RAB11FIP2: variants seen among roughly 807,000 people sequenced by gnomAD.
RAB11FIP2 encodes RAB11 family interacting protein 2, also known as rab11 family-interacting protein 2.
RAB11FIP2 carries 16 observed loss-of-function variants against 40.9 expected under a neutral mutation model. That is an observed-to-expected ratio of 0.39 (90% CI 0.26 to 0.59). The LOEUF is 0.59. Among genes scored for constraint, RAB11FIP2 ranks in the 20% least tolerant of loss-of-function variants. The pLI is 0.53. For missense variants in RAB11FIP2, 532 were observed against 606.2 expected (o/e 0.88, Z 1.28); for synonymous variants, 228 against 213.7 (o/e 1.07, Z -0.58).
intron 3 of RAB11FIP2, among the ~76,000 whole-genome samples, chr10:118,030,659 TTC>T (rs1438031380): frequency 1.4e-4 from 21 of 152,126 alleles, no homozygotes; most frequent in East Asian, 1.2e-3. Flanking sequence ...GCCTGTTTTC[TTC>T]TCTCTCAGAA....
chr10:118,040,108 G>T lies in RAB11FIP2; in HGVS notation c.796+15C>A, dbSNP rs1384631422. ...GTAGTTCAGACCAATGAGTACACAA[G>T]AATGTGACACTTACCACTTTCTGGA... On this transcript the variant is annotated intron_variant, in intron 2 of 4. Coordinates refer to ENST00000355624, the MANE Select transcript of RAB11FIP2 (RefSeq NM_014904.3). The T allele has an allele frequency of 1.9e-5, 31 of 1,603,840 alleles. No individual in the cohort carries two copies. Among genetic ancestry groups the T allele is most frequent in the Non-Finnish European group, 2.4e-5 (28 of 1,172,868 alleles).
chr10:118,006,983 C>A lies in RAB11FIP2; in HGVS notation c.*2015G>T, dbSNP rs1846097633. ...CCAATACAAAACTGACATCTTGGTT[C>A]ACTCTATAAACAGCAAATTTGGCCA... On this transcript the variant is annotated 3_prime_UTR_variant, in exon 5 of 5. Transcript: ENST00000355624. 1 of 152,214 alleles carries A rather than the reference C, an allele frequency of 6.6e-6. No individual in the cohort carries two copies. Among genetic ancestry groups the A allele is most frequent in the South Asian group, 2.1e-4 (1 of 4,816 alleles). 9.4% of individuals were successfully genotyped at this position (152,214 alleles called of 1,614,324 possible).
At chr10:118,032,680 A>G (rs1320859097) in intron 3 of RAB11FIP2, among the ~76,000 whole-genome samples, 3 of 152,110 alleles carry the variant, frequency 2.0e-5, no homozygotes, top group Admixed American at 2.0e-4. Context: ...TCAGTTAACC[A>G]CCATAGTCCA....
intron 3 of RAB11FIP2, among the ~76,000 whole-genome samples, chr10:118,017,040 C>T (rs1846228396): frequency 6.6e-6 from 1 of 152,212 alleles, no homozygotes; most frequent in Non-Finnish European, 1.5e-5. Context: ...CTCATTTAAT[C>T]TTCATGATCC....
intron 3 of RAB11FIP2, among the ~76,000 whole-genome samples, chr10:118,024,066 G>A (rs759157093): frequency 1.3e-5 from 2 of 150,774 alleles, no homozygotes; most frequent in African/African-American, 4.9e-5. Context: ...CTCCAGCCTG[G>A]GCAACAGAGT....
At chr10:118,016,417 C>G (rs1846220871) in intron 3 of RAB11FIP2, among the ~76,000 whole-genome samples, 1 of 152,160 alleles carries the variant, frequency 6.6e-6, no homozygotes, top group South Asian at 2.1e-4. Flanking sequence ...AGCAAAGCAT[C>G]AAGAGCCCAC....
chr10:118,009,681 T>G (rs1431953545), intron 4 of RAB11FIP2, among the ~76,000 whole-genome samples: 1 of 152,168 alleles, frequency 6.6e-6, no homozygotes, highest in Non-Finnish European at 1.5e-5. Flanking sequence ...TTTGGCTTCT[T>G]AGTGAAGATG....
chr10:118,041,260 A>G (rs1846555163), intron 1 of RAB11FIP2, among the ~76,000 whole-genome samples: 1 of 152,058 alleles, frequency 6.6e-6, no homozygotes, highest in Non-Finnish European at 1.5e-5. Context: ...AGGAAAAAAA[A>G]AAACCTAAAA....
At chr10:118,029,180 T>C (rs1431123090) in intron 3 of RAB11FIP2, among the ~76,000 whole-genome samples, 1 of 151,992 alleles carries the variant, frequency 6.6e-6, no homozygotes, top group Non-Finnish European at 1.5e-5. Flanking sequence ...AAACATACCA[T>C]TGGAATAGTT....
intron 3 of RAB11FIP2, among the ~76,000 whole-genome samples, chr10:118,027,811 CTAA>C (rs1846362818): frequency 6.6e-6 from 1 of 152,016 alleles, no homozygotes; most frequent in Admixed American, 6.6e-5. Flanking sequence ...CAAAACTTAT[CTAA>C]TAATTTTCAA....
chr10:118,009,300 G>A (rs1846130279), intron 4 of RAB11FIP2, 75 bp from the exon 5 acceptor site: 1 of 1,371,476 alleles, frequency 7.3e-7, no homozygotes, highest in East Asian at 2.3e-5. Flanking sequence ...CTGGAACTTC[G>A]ACTTTTTGTT....
At chr10:118,019,326 A>G (rs1302141049) in intron 3 of RAB11FIP2, among the ~76,000 whole-genome samples, 1 of 152,202 alleles carries the variant, frequency 6.6e-6, no homozygotes, top group Non-Finnish European at 1.5e-5. Flanking sequence ...TAAATGTGAA[A>G]TCCAGGAGGT....
At position 118,046,222 on chromosome 10, in the gene RAB11FIP2, A is replaced by C; in HGVS notation, c.-59T>G. The C allele has an allele frequency of 2.1e-6, 3 of 1,425,806 alleles. No homozygotes were observed. The highest frequency in any genetic ancestry group is 2.9e-6 in the Non-Finnish European group (3 of 1,025,478). 88.3% of individuals were successfully genotyped at this position (1,425,806 alleles called of 1,614,324 possible). A position where few individuals can be genotyped will look rare whatever the true frequency, so the allele number is the denominator to read the frequency against. Reference sequence around the variant, plus strand: ...CACAGGCAGTGCCCCTCCCGGAGGGAGAGCCTAATTCCTTAATCACTGCAT... The same window carrying C: ...CACAGGCAGTGCCCCTCCCGGAGGGCGAGCCTAATTCCTTAATCACTGCAT... On this transcript the variant is annotated 5_prime_UTR_variant, in exon 1 of 5. Coordinates refer to ENST00000355624, the MANE Select transcript of RAB11FIP2 (RefSeq NM_014904.3).
intron 3 of RAB11FIP2, 76 bp downstream of exon 3, chr10:118,038,896 C>G: frequency 1.1e-6 from 1 of 920,354 alleles, no homozygotes; most frequent in Non-Finnish European, 1.6e-6. Flanking sequence ...AATATTCTAG[C>G]ATTTAAAAGA....
intron 3 of RAB11FIP2, among the ~76,000 whole-genome samples, chr10:118,020,926 C>T (rs886819499): frequency 6.6e-6 from 1 of 152,202 alleles, no homozygotes; most frequent in Non-Finnish European, 1.5e-5. Context: ...AATAATTACT[C>T]ATATGAATTA....
intron 1 of RAB11FIP2, among the ~76,000 whole-genome samples, chr10:118,041,722 T>C (rs986464881): frequency 2.0e-5 from 3 of 152,174 alleles, no homozygotes; most frequent in Admixed American, 1.3e-4. Context: ...AGATTACATT[T>C]ACTGTATATC....
At chr10:118,019,805 G>A (rs1846262057) in intron 3 of RAB11FIP2, among the ~76,000 whole-genome samples, 1 of 150,212 alleles carries the variant, frequency 6.7e-6, no homozygotes, top group South Asian at 2.1e-4. Flanking sequence ...CAACCTGGGG[G>A]AAGGAGCGAG....
chr10:118,039,507 G>A (rs1846526666), intron 2 of RAB11FIP2, 67 bp from the exon 3 acceptor site: 2 of 1,326,130 alleles, frequency 1.5e-6, no homozygotes, highest in Admixed American at 4.0e-5. Flanking sequence ...GACACAGTCT[G>A]TGTGCATTCT....
At chr10:118,023,558 T>G (rs2133170049) in intron 3 of RAB11FIP2, among the ~76,000 whole-genome samples, 1 of 152,302 alleles carries the variant, frequency 6.6e-6, no homozygotes, top group African/African-American at 2.4e-5. Flanking sequence ...AACAGTAATT[T>G]ACTTATTAAT....
Sources: gnomAD v4.1 joint callset for allele counts (sites outside exome capture counted in the v4.1 genomes callset) on GRCh38, gnomAD v4.1.1 for gene constraint, MANE v1.5 for transcripts, NCBI Gene and HGNC (gene_info 2026-07-23, HGNC 2026-07-21) for gene names.